Variants in CROCC2 observed in about 807,000 individuals in gnomAD.
CROCC2 encodes the protein ciliary rootlet coiled-coil protein 2.
In CROCC2, 163 loss-of-function variants were observed where a neutral mutation model predicts 177.6. The ratio of observed to expected loss-of-function variants is 0.92; its 90% CI spans 0.81 to 1.05. CROCC2 has a LOEUF of 1.05. CROCC2 is among the 50% of genes least tolerant of loss of function. The pLI is 0.00. For synonymous variants in CROCC2, 904 were observed against 787.3 expected, an observed-to-expected ratio of 1.15 and a Z score of -2.48; for missense variants, 1,929 against 1,797.8, an observed-to-expected ratio of 1.07 and a Z score of -1.32.
At chr2:240,916,022 G>C (rs1363552443) in intron 1 of CROCC2, among the ~76,000 whole-genome samples, 3 of 152,176 alleles carry the variant, frequency 2.0e-5, no homozygotes, top group Non-Finnish European at 4.4e-5. Context: ...GGCAGGCCCA[G>C]AAGGACCCAC....
intron 28 of CROCC2, 29 bp from the exon 29 acceptor site, chr2:240,988,710 A>G: frequency 7.4e-7 from 1 of 1,345,852 alleles, no homozygotes. Flanking sequence ...CCAGGAGGCC[A>G]CAGGTTCTGC....
At chr2:240,916,474 C>CT (rs1373449564) in intron 1 of CROCC2, among the ~76,000 whole-genome samples, 2 of 65,002 alleles carry the variant, frequency 3.1e-5, no homozygotes, top group Non-Finnish European at 5.8e-5. Flanking sequence ...TCCCCCCGTG[C>CT]CCCCGCGCCC....
At chr2:240,964,028 A>G (rs1181118499) in intron 21 of CROCC2, 3 of 582,554 alleles carry the variant, frequency 5.1e-6, no homozygotes, top group African/African-American at 3.7e-5. Context: ...AGCAGGCAAG[A>G]TAGGTCACAG....
rs896919853 is a variant in CROCC2, at chr2:240,953,255, A to AC, written c.2830-2604_2830-2603insC. On this transcript the variant is annotated intron_variant, in intron 18 of 31. Coordinates refer to ENST00000690015, the MANE Select transcript of CROCC2 (RefSeq NM_001351305.2). The surrounding 1 kb of genome is among the most constrained non-coding windows in gnomAD (Gnocchi z 4.0). ...TGAAACCCCGTCTCTACTAAAAAAA[A>AC]AATACAAAAATTAGCTGGGTGTGGT... Among the ~76,000 whole-genome samples the AC allele has an allele frequency of 2.2e-4, 34 of 151,834 alleles. No individual in the cohort carries two copies. Among genetic ancestry groups the AC allele is most frequent in the African/African-American group, 8.0e-4 (33 of 41,296 alleles).
Position 240,958,031 on chromosome 2 carries a change from C to T in CROCC2, c.2944-1270C>T. On this transcript the variant is annotated intron_variant, in intron 19 of 31. Transcript: ENST00000690015. The surrounding 1 kb of genome is among the most constrained non-coding windows in gnomAD (Gnocchi z 6.7). ...GCTGGCCCTGAGTCTCCCCCGGACT[C>T]GGTACCAGGCCTGCCAGCCAGCCGG... is the stretch of plus-strand genomic sequence containing the variant. 1.0e-6 allele frequency: 1 copy of T among 985,392 alleles called. No homozygotes were observed. Among genetic ancestry groups the T allele is most frequent in the Non-Finnish European group, 1.2e-6 (1 of 829,922 alleles). 61.0% of individuals were successfully genotyped at this position (985,392 alleles called of 1,614,324 possible).
In CROCC2 at chr2:240,950,339, C is replaced by A; in HGVS notation, c.2658C>A (p.Thr886=). The change falls in exon 18 of 32, where the codon ACC becomes ACA. Residue 886 remains threonine, a synonymous_variant. Transcript: ENST00000690015. ...ATCCCTTTACCTTGGCCCAGGAGAC[C>A]CTGAGCCTGACCCTGGCAGAGGAGA... ...ALAQLQREKE[T]LSLTLAEEKE... 1.3e-6 allele frequency: 2 copies of A among 1,549,626 alleles called. No individual in the cohort carries two copies. Among genetic ancestry groups the A allele is most frequent in the Non-Finnish European group, 1.7e-6 (2 of 1,146,578 alleles).
chr2:240,919,301 C>T (rs1574746692), intron 2 of CROCC2, among the ~76,000 whole-genome samples: 3 of 152,288 alleles, frequency 2.0e-5, no homozygotes, highest in African/African-American at 4.8e-5. Flanking sequence ...GTGTGGCACA[C>T]TTGTGGCCAC....
At position 240,930,251 on chromosome 2, in the gene CROCC2, T is replaced by C; in HGVS notation, c.731T>C (p.Leu244Pro). The change falls in exon 6 of 32, where the codon CTG (leucine) becomes CCG (proline). Residue 244 changes from leucine to proline, a missense_variant. By Grantham distance (98) the Leu-to-Pro change is moderately conservative. This residue lies in a region of CROCC2 where 1,397 missense variants were observed against 1,239.9 expected (regional missense o/e 1.13). Transcript: ENST00000690015. ...GTGCTGGGGACAGACCTGGCCGAGC[T>C]GCGTGTAGCCACTGAGAGGTGAGTG... is the stretch of plus-strand genomic sequence containing the variant. ...AVVLGTDLAE[L>P]RVATERGLAD... 1.7e-6 allele frequency: 1 copy of C among 572,176 alleles called. No individual in the cohort carries two copies. Among genetic ancestry groups the C allele is most frequent in the African/African-American group, 1.9e-5 (1 of 51,864 alleles). The allele number at this position is 572,176 out of a possible 1,614,324, so 35.4% of individuals were successfully genotyped here.
intron 27 of CROCC2, among the ~76,000 whole-genome samples, chr2:240,971,098 CCACAGTGTGG>C (rs2059717490): frequency 6.6e-6 from 1 of 152,182 alleles, no homozygotes; most frequent in Non-Finnish European, 1.5e-5. Context: ...CTTGGCTGTG[CCACAGTGTGG>C]CAGCAGCACC....
intron 13 of CROCC2, 33 bp downstream of exon 13, chr2:240,935,095 G>A: frequency 1.5e-6 from 2 of 1,323,808 alleles, no homozygotes; most frequent in African/African-American, 1.5e-5. Context: ...GGGCCTCGCT[G>A]GAACCTGTTT....
chr2:240,987,540 G>A (rs909451925), intron 28 of CROCC2, among the ~76,000 whole-genome samples: 5 of 152,150 alleles, frequency 3.3e-5, no homozygotes, highest in African/African-American at 1.2e-4. Flanking sequence ...TCCAACCACT[G>A]ACCCTGTAAC....
intron 15 of CROCC2, among the ~76,000 whole-genome samples, chr2:240,948,284 G>A (rs1285868245): frequency 6.6e-6 from 1 of 152,092 alleles, no homozygotes; most frequent in Non-Finnish European, 1.5e-5. Context: ...AGAAGGCTTG[G>A]ATGTGCTCTA....
chr2:240,912,394 A>C (rs561030652), intron 1 of CROCC2, among the ~76,000 whole-genome samples: 64 of 152,350 alleles, frequency 4.2e-4, no homozygotes, highest in African/African-American at 1.4e-3. Context: ...CTGGCTATGA[A>C]TTAGGGGTTC....
At position 240,918,346 on chromosome 2, in the gene CROCC2, G is replaced by A. The variant is rs909173090; in HGVS notation, c.79-380G>A. 2.6e-5 allele frequency among the ~76,000 whole-genome samples: 4 copies of A among 152,216 alleles called. No individual in the cohort carries two copies. The highest frequency in any genetic ancestry group is 5.9e-5 in the Non-Finnish European group (4 of 68,032). On this transcript the variant is annotated intron_variant, in intron 1 of 31. Transcript: ENST00000690015. The surrounding 1 kb of genome is among the most constrained non-coding windows in gnomAD (Gnocchi z 6.3). The stretch of plus-strand genomic sequence containing the variant: ...GTGAGACCACCTGCTCCAGGTGGGC[G>A]AGGATGTTGGGTTTCTTGTGGAGCA...
intron 28 of CROCC2, chr2:240,986,132 G>A (rs926412897): frequency 2.9e-5 from 10 of 350,346 alleles, no homozygotes; most frequent in Admixed American, 7.0e-5. Flanking sequence ...GTCCTGCACC[G>A]CGACTGGCTC....
Position 240,950,538 on chromosome 2 carries a change from A to G in CROCC2, c.2829+28A>G, listed in dbSNP as rs4077133. On this transcript the variant is annotated intron_variant, in intron 18 of 31. Transcript: ENST00000690015. ...GATGGTGAGGCTGGGGGGCAGCGGG[A>G]TTGCTCACACCCACTGCACCTGTCA... 1.5e-3 allele frequency: 2,313 copies of G among 1,534,824 alleles called. 33 individuals carry two copies. In the African/African-American group the frequency reaches 0.027, roughly 18 times the overall value.
intron 18 of CROCC2, chr2:240,954,758 CG>C (rs1394797663): frequency 2.6e-5 from 4 of 152,178 alleles, no homozygotes; most frequent in African/African-American, 7.2e-5. Context: ...CCTCTAATAA[CG>C]GGTCTTTCAG....
chr2:240,987,757 T>C (rs931602119), intron 28 of CROCC2, among the ~76,000 whole-genome samples: 3 of 152,234 alleles, frequency 2.0e-5, no homozygotes, highest in Non-Finnish European at 2.9e-5. Context: ...CCCAAGGCTG[T>C]CACCCCTGTG....
rs1002188389 is a variant in CROCC2, at chr2:240,963,568, C to T, written c.3100C>T (p.Arg1034Trp). 49 of 1,542,166 alleles carry T rather than the reference C, an allele frequency of 3.2e-5. No homozygotes were observed. The highest frequency in any genetic ancestry group is 4.1e-5 in the African/African-American group (3 of 72,776). Residue 1034 changes from arginine to tryptophan, a missense_variant, in exon 21 of 32, where the codon CGG (arginine) becomes TGG (tryptophan). This residue lies in a region of CROCC2 where 1,397 missense variants were observed against 1,239.9 expected (regional missense o/e 1.13). Coordinates refer to ENST00000690015, the MANE Select transcript of CROCC2 (RefSeq NM_001351305.2). ...GDVEREAERL[R>W]AQLTVAQEGL... ...TGGTCCTCCCCAGGCTGAGAGGCTG[C>T]GGGCACAGCTGACCGTGGCCCAGGA...
Sources: allele counts gnomAD v4.1 joint callset (sites outside exome capture counted in the v4.1 genomes callset), GRCh38; gene constraint gnomAD v4.1.1; regional missense constraint gnomAD v4.1.1; non-coding constraint Gnocchi (gnomAD v3.1); transcripts MANE v1.5; gene names NCBI Gene and HGNC (gene_info 2026-07-23, HGNC 2026-07-21).